The following GRIN2B variants were observed in gnomAD, a reference collection of about 807,000 sequenced individuals.
The protein encoded by GRIN2B is glutamate ionotropic receptor NMDA type subunit 2B, also known as glutamate receptor ionotropic, NMDA 2B.
In GRIN2B, 5 loss-of-function variants were observed where a neutral mutation model predicts 114.5. The ratio of observed to expected loss-of-function variants is 0.04; its 90% confidence interval spans 0.02 to 0.09. GRIN2B has a LOEUF of 0.09. Among genes scored for constraint, GRIN2B ranks in the 10% least tolerant of loss-of-function variants. The probability of loss-of-function intolerance (pLI) is 1.00; values close to 1 mark genes in which losing one functional copy is unlikely to be tolerated. For synonymous variants in GRIN2B, 787 were observed against 745.1 expected, an observed-to-expected ratio of 1.06 and a Z score of -0.92; for missense variants, 1,108 against 1,943.5, an observed-to-expected ratio of 0.57 and a Z score of 8.08.
chr12:13,654,048 A>G (rs1054785000), intron 5 of GRIN2B, among the ~76,000 whole-genome samples: 2 of 152,194 alleles, frequency 1.3e-5, no homozygotes, highest in East Asian at 1.9e-4. Flanking sequence ...TCAAAATCCA[A>G]AAAGGCTGTA....
At chr12:13,646,858 G>A (rs1400135633) in intron 5 of GRIN2B, among the ~76,000 whole-genome samples, 1 of 152,108 alleles carries the variant, frequency 6.6e-6, no homozygotes, top group African/African-American at 2.4e-5. Flanking sequence ...ACTTGAGAAA[G>A]AGATTCTCCT....
chr12:13,732,860 T>G (rs1407606273), intron 4 of GRIN2B, among the ~76,000 whole-genome samples: 1 of 152,202 alleles, frequency 6.6e-6, no homozygotes, highest in South Asian at 2.1e-4. Flanking sequence ...ATTTCACAAT[T>G]AGCTTAAGTT....
intron 3 of GRIN2B, among the ~76,000 whole-genome samples, chr12:13,792,846 T>G (rs1042008908): frequency 6.6e-6 from 1 of 152,146 alleles, no homozygotes; most frequent in Non-Finnish European, 1.5e-5. Flanking sequence ...TCAGCAGATA[T>G]TGCACCTGAA....
chr12:13,560,093 C>A lies in GRIN2B; in HGVS notation c.*2690G>T, dbSNP rs1008576786. 7 of 152,090 alleles carry A rather than the reference C, an allele frequency of 4.6e-5. No individual in the cohort carries two copies. The highest frequency in any genetic ancestry group is 8.8e-5 in the Non-Finnish European group (6 of 68,028). The allele number at this position is 152,090 out of a possible 1,614,324, so 9.4% of individuals were successfully genotyped here. On this transcript the variant is annotated 3_prime_UTR_variant, in exon 14 of 14. Transcript: ENST00000609686. ...GGGGTTTGCTTAGAGCCAAATTGAA[C>A]CCTATGTAAAACCCTGGCCAAAGTG...
intron 2 of GRIN2B, among the ~76,000 whole-genome samples, chr12:13,927,406 CTT>C (rs1171783407): frequency 2.6e-5 from 4 of 152,082 alleles, no homozygotes; most frequent in Admixed American, 2.6e-4. Flanking sequence ...ATATTTTACA[CTT>C]TGTGGGCCAT....
chr12:13,723,437 G>A (rs1862915888), intron 4 of GRIN2B, among the ~76,000 whole-genome samples: 1 of 150,826 alleles, frequency 6.6e-6, no homozygotes, highest in Non-Finnish European at 1.5e-5. Context: ...CTCCTTCCCT[G>A]TCTCACTGTT....
intron 3 of GRIN2B, among the ~76,000 whole-genome samples, chr12:13,778,655 A>C (rs1864050013): frequency 6.6e-6 from 1 of 152,194 alleles, no homozygotes; most frequent in African/African-American, 2.4e-5. Context: ...GCTAAACTTT[A>C]ATCAAGTGGC....
intron 5 of GRIN2B, among the ~76,000 whole-genome samples, chr12:13,672,733 C>A (rs186210805): frequency 6.6e-6 from 1 of 152,282 alleles, no homozygotes; most frequent in East Asian, 1.9e-4. Flanking sequence ...TCTATTATCT[C>A]AACCCCTCCC....
rs1863138891 is a variant in GRIN2B, at chr12:13,981,515, ATGG to A, written c.-624_-622del. ...TGCATTCGGACGCCAGCACTACTGG[ATGG>A]TGGTGATCAAGAATCACCCTTGACG... On this transcript the variant is annotated 5_prime_UTR_variant, in exon 1 of 14. Transcript: ENST00000609686. The A allele has an allele frequency of 6.6e-6, 1 of 151,750 alleles. No homozygotes were observed. Among genetic ancestry groups the A allele is most frequent in the Non-Finnish European group, 1.5e-5 (1 of 67,964 alleles). 9.4% of individuals were successfully genotyped at this position (151,750 alleles called of 1,614,324 possible).
chr12:13,877,532 C>A (rs1415151480), intron 2 of GRIN2B, among the ~76,000 whole-genome samples: 1 of 152,212 alleles, frequency 6.6e-6, no homozygotes, highest in Non-Finnish European at 1.5e-5. Context: ...TGAAGCTTTA[C>A]TCTTTAGTTG....
intron 2 of GRIN2B, among the ~76,000 whole-genome samples, chr12:13,881,036 G>A (rs568109209): frequency 8.5e-5 from 13 of 152,280 alleles, no homozygotes; most frequent in East Asian, 5.8e-4. Context: ...ACGCATGTGC[G>A]CAGGTGTGCA....
At chr12:13,787,726 G>T (rs1864243669) in intron 3 of GRIN2B, among the ~76,000 whole-genome samples, 1 of 152,150 alleles carries the variant, frequency 6.6e-6, no homozygotes. Context: ...ATACAATTTA[G>T]GCCAGTGGGA....
chr12:13,574,491 G>T (rs1422528366), intron 10 of GRIN2B, among the ~76,000 whole-genome samples: 1 of 152,110 alleles, frequency 6.6e-6, no homozygotes, highest in Non-Finnish European at 1.5e-5. Flanking sequence ...AGTGAAAATT[G>T]CAATCATGTC....
intron 4 of GRIN2B, among the ~76,000 whole-genome samples, chr12:13,694,109 T>C (rs541982873): frequency 2.6e-5 from 4 of 152,222 alleles, no homozygotes; most frequent in South Asian, 4.2e-4. Flanking sequence ...AAGCACACTC[T>C]TTTTTCTCCT....
At chr12:13,732,417 A>T (rs1231899531) in intron 4 of GRIN2B, among the ~76,000 whole-genome samples, 2 of 152,136 alleles carry the variant, frequency 1.3e-5, no homozygotes, top group Non-Finnish European at 2.9e-5. Context: ...TCATGCTATT[A>T]TTCCCATTTG....
intron 10 of GRIN2B, among the ~76,000 whole-genome samples, chr12:13,597,603 G>C (rs984669701): frequency 4.6e-5 from 7 of 152,214 alleles, no homozygotes; most frequent in Non-Finnish European, 2.9e-5. Context: ...AACCTCAAAT[G>C]GGGTGCTTAA....
chr12:13,591,150 G>T (rs1949004205), intron 10 of GRIN2B, among the ~76,000 whole-genome samples: 1 of 152,092 alleles, frequency 6.6e-6, no homozygotes, highest in Admixed American at 6.6e-5. Flanking sequence ...CCTGACGTTT[G>T]ACCTTCCCTC....
chr12:13,884,686 G>T (rs1176567729), intron 2 of GRIN2B, among the ~76,000 whole-genome samples: 1 of 152,030 alleles, frequency 6.6e-6, no homozygotes, highest in Non-Finnish European at 1.5e-5. Flanking sequence ...TATCTTAGGG[G>T]TAGCATATTC....
intron 4 of GRIN2B, among the ~76,000 whole-genome samples, chr12:13,725,750 A>T (rs1862973775): frequency 6.6e-6 from 1 of 152,280 alleles, no homozygotes; most frequent in Non-Finnish European, 1.5e-5. Context: ...TCCAGGGAAG[A>T]GGGCCCAGGG....
Sources: gnomAD v4.1 joint callset for allele counts (sites outside exome capture counted in the v4.1 genomes callset) on GRCh38, gnomAD v4.1.1 for gene constraint, MANE v1.5 for transcripts, NCBI Gene and HGNC (gene_info 2026-07-23, HGNC 2026-07-21) for gene names.